The following WDR12 variants were observed in gnomAD, a reference collection of about 807,000 sequenced individuals.
WDR12 encodes ribosome biogenesis protein WDR12.
In WDR12, 42 loss-of-function variants were observed where a neutral mutation model predicts 64.3. That is an observed-to-expected ratio of 0.65 (90% CI 0.51 to 0.84). The LOEUF is 0.84. WDR12 is among the 40% of genes least tolerant of loss of function. The pLI is 0.00. For synonymous variants in WDR12, 158 were observed against 173.3 expected (o/e 0.91, Z 0.70); for missense variants, 469 against 494.6 (o/e 0.95, Z 0.49).
intron 8 of WDR12, among the ~76,000 whole-genome samples, chr2:202,887,133 C>T (rs1303519151): frequency 1.3e-5 from 2 of 152,196 alleles, no homozygotes; most frequent in East Asian, 3.9e-4. Context: ...AAGCGACTCT[C>T]CTGCCTCAGC....
At chr2:202,896,953 C>A (rs879928304) in intron 5 of WDR12, among the ~76,000 whole-genome samples, 6 of 152,026 alleles carry the variant, frequency 3.9e-5, no homozygotes, top group Non-Finnish European at 8.8e-5. Flanking sequence ...TGCCACTGCA[C>A]GCTAGCCTGG....
At chr2:202,889,822 G>T (rs567933838) in intron 8 of WDR12, among the ~76,000 whole-genome samples, 1 of 151,800 alleles carries the variant, frequency 6.6e-6, no homozygotes, top group African/African-American at 2.4e-5. Context: ...AGGCTGAGGC[G>T]TGAGGATTGT....
chr2:202,885,404 T>C (rs1448643956), intron 8 of WDR12, among the ~76,000 whole-genome samples: 1 of 152,178 alleles, frequency 6.6e-6, no homozygotes, highest in Non-Finnish European at 1.5e-5. Context: ...CTATTCCTGG[T>C]GCCTGGCATA....
Position 202,878,872 on chromosome 2 carries a change from C to G in WDR12, c.*1988G>C, listed in dbSNP as rs976041325. 6.6e-6 allele frequency: 1 copy of G among 152,084 alleles called. No homozygotes were observed. Among genetic ancestry groups the G allele is most frequent in the Non-Finnish European group, 1.5e-5 (1 of 68,012 alleles). The allele number at this position is 152,084 out of a possible 1,614,324, so 9.4% of individuals were successfully genotyped here. A position where few individuals can be genotyped will look rare whatever the true frequency, so the allele number is the denominator to read the frequency against. On this transcript the variant is annotated 3_prime_UTR_variant, in exon 13 of 13. Coordinates refer to ENST00000261015, the MANE Select transcript of WDR12 (RefSeq NM_018256.4). ...AAATAACATTTAAAAAATACATTTA[C>G]TTTAAATATTTTTATATAACACATG... is the stretch of plus-strand genomic sequence containing the variant.
At chr2:202,902,388 G>C (rs1251814090) in intron 2 of WDR12, among the ~76,000 whole-genome samples, 1 of 152,192 alleles carries the variant, frequency 6.6e-6, no homozygotes, top group African/African-American at 2.4e-5. Context: ...GCAAAGTATT[G>C]TTCCTGGGTG....
chr2:202,892,671 C>G lies in WDR12; in HGVS notation c.687G>C (p.Glu229Asp). The G allele has an allele frequency of 5.6e-6, 9 of 1,613,304 alleles. No individual in the cohort carries two copies. The highest frequency in any genetic ancestry group is 7.6e-6 in the Non-Finnish European group (9 of 1,179,494). Residue 229 changes from glutamate (E) to aspartate (D), a missense_variant, in exon 8 of 13, where the codon GAG becomes GAC. Physicochemically the swap from Glu to Asp is conservative, Grantham distance 45. Transcript: ENST00000261015. ...GTTTCTTTCTTGGTCGATTTGTGGA[C>G]TCCTCCATTTCATCTTCTTCATCTG... ...VPTDEEDEME[E>D]STNRPRKKQK...
At position 202,892,678 on chromosome 2, in the gene WDR12, A is replaced by G. The variant is rs577334638; in HGVS notation, c.680T>C (p.Met227Thr). The G allele has an allele frequency of 1.9e-6, 3 of 1,613,152 alleles. No homozygotes were observed. The East Asian group carries it at 6.7e-5, about 36-fold the overall frequency. The change falls in exon 8 of 13, where the codon ATG becomes ACG. Residue 227 changes from methionine (M) to threonine (T), a missense_variant. Coordinates refer to ENST00000261015, the MANE Select transcript of WDR12 (RefSeq NM_018256.4). ...STVPTDEEDEMEESTNRPRKK... is the reference protein window; with the variant it reads ...STVPTDEEDETEESTNRPRKK... Reference sequence around the variant, plus strand: ...TCTTGGTCGATTTGTGGACTCCTCCATTTCATCTTCTTCATCTGTAGGGAC... The same window carrying G: ...TCTTGGTCGATTTGTGGACTCCTCCGTTTCATCTTCTTCATCTGTAGGGAC...
intron 2 of WDR12, among the ~76,000 whole-genome samples, chr2:202,904,262 C>G (rs921338510): frequency 6.6e-6 from 1 of 150,748 alleles, no homozygotes; most frequent in Non-Finnish European, 1.5e-5. Flanking sequence ...TTAAAATGTC[C>G]ATAGTACCCA....
intron 5 of WDR12, 34 bp from the exon 6 acceptor site, chr2:202,896,253 A>G: frequency 6.2e-7 from 1 of 1,602,610 alleles, no homozygotes. Context: ...TAAGAAACAA[A>G]TCAGTATACC....
intron 1 of WDR12, among the ~76,000 whole-genome samples, chr2:202,908,387 C>A (rs985211831): frequency 6.6e-6 from 1 of 152,044 alleles, no homozygotes; most frequent in South Asian, 2.1e-4. Flanking sequence ...CCCAGGAGGT[C>A]GAGGCTGCAG....
chr2:202,881,061 T>A, intron 12 of WDR12, 124 bp from the exon 13 acceptor site: 1 of 775,642 alleles, frequency 1.3e-6, no homozygotes, highest in Non-Finnish European at 1.9e-6. Flanking sequence ...AGCAGTTAAC[T>A]TGCATTGAGA....
rs1245227533 is a variant in WDR12, at chr2:202,875,925, GGATT to G, written c.*4931_*4934del. 1 of 152,074 alleles carries G rather than the reference GGATT, an allele frequency of 6.6e-6. No individual in the cohort carries two copies. The highest frequency in any genetic ancestry group is 1.5e-5 in the Non-Finnish European group (1 of 68,010). The allele number at this position is 152,074 out of a possible 1,614,324, so 9.4% of individuals were successfully genotyped here. ...ATGCAAATAATTTATTACCTATAGA[GGATT>G]ATTATGGTAGGATATAGTTTCATTG... On this transcript the variant is annotated 3_prime_UTR_variant, in exon 13 of 13. Coordinates refer to ENST00000261015, the MANE Select transcript of WDR12 (RefSeq NM_018256.4).
chr2:202,906,034 TTGTAACACAAAGGATA>T (rs1362429194), intron 2 of WDR12, among the ~76,000 whole-genome samples: 1 of 152,194 alleles, frequency 6.6e-6, no homozygotes. Flanking sequence ...ATTGGATTGT[TTGTAACACAAAGGATA>T]AATGCTTGAG....
chr2:202,906,100 C>T (rs916723762), intron 2 of WDR12, among the ~76,000 whole-genome samples: 3 of 152,118 alleles, frequency 2.0e-5, no homozygotes, highest in Admixed American at 6.6e-5. Flanking sequence ...ATTATTACAC[C>T]TTATATGCCT....
At chr2:202,897,900 A>ATAT (rs1342314676) in intron 4 of WDR12, among the ~76,000 whole-genome samples, 4 of 43,970 alleles carry the variant, frequency 9.1e-5, no homozygotes, top group Admixed American at 3.2e-4. Context: ...AAAAAAAAAA[A>ATAT]AAAAAAAAAT....
At position 202,878,007 on chromosome 2, in the gene WDR12, C is replaced by T. The variant is rs1687891857; in HGVS notation, c.*2853G>A. On this transcript the variant is annotated 3_prime_UTR_variant, in exon 13 of 13. Coordinates refer to ENST00000261015, the MANE Select transcript of WDR12 (RefSeq NM_018256.4). ...ATTGACCTCTCATATTCCTTCTGTT[C>T]AGGGAGTAAGATCTAACCACTTGAG... 1 of 152,146 alleles carries T rather than the reference C, an allele frequency of 6.6e-6. No individual in the cohort carries two copies. The highest frequency in any genetic ancestry group is 2.1e-4 in the South Asian group (1 of 4,822). The allele number at this position is 152,146 out of a possible 1,614,324, so 9.4% of individuals were successfully genotyped here.
At chr2:202,886,899 T>A (rs1688058489) in intron 8 of WDR12, among the ~76,000 whole-genome samples, 1 of 152,108 alleles carries the variant, frequency 6.6e-6, no homozygotes, top group African/African-American at 2.4e-5. Flanking sequence ...TATAACTGGA[T>A]CAGAAAGCAA....
rs370541706 is a variant in WDR12, at chr2:202,884,233, T to C, written c.953A>G (p.Asp318Gly). Reference protein sequence around the residue: ...LCKRLASGSTDRHIRLWDPRT... With the variant: ...LCKRLASGSTGRHIRLWDPRT... ...GGGATCCCACAGTCTGATATGCCTA[T>C]CTGTGCTTCCAGATGCTAAACGTTT... Residue 318 changes from aspartate to glycine, a missense_variant, in exon 10 of 13, where the codon GAT becomes GGT. Coordinates refer to ENST00000261015, the MANE Select transcript of WDR12 (RefSeq NM_018256.4). 9 of 1,613,504 alleles carry C rather than the reference T, an allele frequency of 5.6e-6. No homozygotes were observed. The highest frequency in any genetic ancestry group is 7.6e-6 in the Non-Finnish European group (9 of 1,180,040).
In WDR12 at chr2:202,884,291, C is replaced by T. The variant is rs767414812; in HGVS notation, c.895G>A (p.Val299Met). 3 of 1,613,844 alleles carry T rather than the reference C, an allele frequency of 1.9e-6. No individual in the cohort carries two copies. Among genetic ancestry groups the T allele is most frequent in the Non-Finnish European group, 1.7e-6 (2 of 1,179,958 alleles). The change falls in exon 10 of 13, where the codon GTG becomes ATG. Residue 299 changes from valine to methionine, a missense_variant. Physicochemically the swap from Val to Met is conservative, Grantham distance 21. Transcript: ENST00000261015. ...GGAGAATAGGAAATACAATTAAACA[C>T]TTTATTTCCTGTCTGAAAAAGAAAA... ...SLKSTLTGNK[V>M]FNCISYSPLC...
Sources: gnomAD v4.1 joint callset for allele counts (sites outside exome capture counted in the v4.1 genomes callset) on GRCh38, gnomAD v4.1.1 for gene constraint, MANE v1.5 for transcripts, NCBI Gene and HGNC (gene_info 2026-07-23, HGNC 2026-07-21) for gene names.